SLC4A4: variants seen among roughly 807,000 people sequenced by gnomAD.
The protein encoded by SLC4A4 is electrogenic sodium bicarbonate cotransporter 1.
In SLC4A4, 27 loss-of-function variants were observed where a neutral mutation model predicts 111.5. That is an observed-to-expected ratio of 0.24 (90% CI 0.18 to 0.33). SLC4A4 has a LOEUF of 0.33. SLC4A4 is among the 10% of genes least tolerant of loss of function. The pLI is 1.00. For missense variants in SLC4A4, 909 were observed against 1,315.5 expected (o/e 0.69, Z 4.78); for synonymous variants, 443 against 463.4 (o/e 0.96, Z 0.57).
Position 71,440,632 on chromosome 4 carries a change from T to A in SLC4A4, c.824T>A (p.Met275Lys). 2 of 1,614,146 alleles carry A rather than the reference T, an allele frequency of 1.2e-6. No homozygotes were observed. The highest frequency in any genetic ancestry group is 1.7e-6 in the Non-Finnish European group (2 of 1,180,002). The change falls in exon 8 of 26, where the codon ATG becomes AAG. Residue 275 changes from methionine to lysine, a missense_variant. Physicochemically the swap from Met to Lys is moderately conservative, Grantham distance 95 (BLOSUM62 -1). This residue lies in a region of SLC4A4 where 312 missense variants were observed against 402.0 expected (regional missense o/e 0.78). Coordinates refer to ENST00000264485, the MANE Select transcript of SLC4A4 (RefSeq NM_001098484.3). ...PEKDQLKNKF[M>K]KKLPRDAEAS... ...CTCATGCAGCTGAAGAATAAGTTCA[T>A]GAAAAAATTGCCACGTGATGCAGAA...
chr4:71,437,111 G>T (rs1027333368), intron 7 of SLC4A4: 1 of 457,456 alleles, frequency 2.2e-6, no homozygotes, highest in Non-Finnish European at 4.3e-6. Flanking sequence ...CACTGTTCAG[G>T]ATCTTTATCA....
chr4:71,487,865 G>C (rs1729563654), intron 15 of SLC4A4, among the ~76,000 whole-genome samples: 1 of 151,318 alleles, frequency 6.6e-6, no homozygotes, highest in Non-Finnish European at 1.5e-5. Context: ...TATATTCTGT[G>C]GCTCTCTTGA....
intron 3 of SLC4A4, among the ~76,000 whole-genome samples, chr4:71,279,164 A>C (rs1044255385): frequency 3.3e-5 from 5 of 152,198 alleles, no homozygotes; most frequent in African/African-American, 1.2e-4. Flanking sequence ...TTGCTGTACG[A>C]TAGATCTCCA....
intron 1 of SLC4A4, among the ~76,000 whole-genome samples, chr4:71,065,355 T>C (rs1390633126): frequency 6.6e-6 from 1 of 152,172 alleles, no homozygotes; most frequent in Non-Finnish European, 1.5e-5. Flanking sequence ...ATGCTATGCT[T>C]GGAGTATCAC....
At chr4:71,540,271 T>C (rs1734919598) in intron 18 of SLC4A4, among the ~76,000 whole-genome samples, 1 of 152,146 alleles carries the variant, frequency 6.6e-6, no homozygotes, top group South Asian at 2.1e-4. Context: ...TCCTCACCTC[T>C]CCTTTGTTAT....
chr4:71,361,564 G>T (rs1730792908), intron 6 of SLC4A4, among the ~76,000 whole-genome samples: 1 of 152,182 alleles, frequency 6.6e-6, no homozygotes, highest in Admixed American at 6.5e-5. Flanking sequence ...GTTGCATGAA[G>T]AAATTAATGA....
chr4:71,120,372 C>T (rs1274600838), intron 2 of SLC4A4, among the ~76,000 whole-genome samples: 1 of 152,150 alleles, frequency 6.6e-6, no homozygotes, highest in Non-Finnish European at 1.5e-5. Context: ...TCCTTTGGAA[C>T]TCCAGCTTAC....
intron 2 of SLC4A4, among the ~76,000 whole-genome samples, chr4:71,152,561 T>C (rs1238371007): frequency 1.3e-5 from 2 of 152,230 alleles, no homozygotes; most frequent in African/African-American, 4.8e-5. Flanking sequence ...ATTTATTTAC[T>C]GGTTTTACTC....
At chr4:71,395,901 A>G (rs936868321) in intron 6 of SLC4A4, among the ~76,000 whole-genome samples, 3 of 152,200 alleles carry the variant, frequency 2.0e-5, no homozygotes, top group African/African-American at 7.2e-5. Flanking sequence ...TTGCTTTAGG[A>G]TTGTATAATT....
At chr4:71,427,484 T>A (rs909759081) in intron 7 of SLC4A4, among the ~76,000 whole-genome samples, 1 of 152,126 alleles carries the variant, frequency 6.6e-6, no homozygotes, top group African/African-American at 2.4e-5. Flanking sequence ...AAATATGATG[T>A]TATTTCAAAG....
chr4:71,230,961 T>G (rs1205745426), intron 1 of SLC4A4, among the ~76,000 whole-genome samples: 3 of 152,194 alleles, frequency 2.0e-5, no homozygotes, highest in Non-Finnish European at 4.4e-5. Flanking sequence ...GCAGCAGGCT[T>G]TTTGCTACTG....
intron 4 of SLC4A4, among the ~76,000 whole-genome samples, chr4:71,344,437 C>T (rs1578880877): frequency 6.6e-6 from 1 of 152,068 alleles, no homozygotes; most frequent in Non-Finnish European, 1.5e-5. Flanking sequence ...TTTTTCCCCC[C>T]ATTAAAAGCC....
At chr4:71,120,665 C>A (rs550106410) in intron 2 of SLC4A4, among the ~76,000 whole-genome samples, 5 of 152,162 alleles carry the variant, frequency 3.3e-5, no homozygotes, top group Non-Finnish European at 7.4e-5. Flanking sequence ...GTCAGAAGTT[C>A]GAGACCAGCC....
chr4:71,154,495 T>A (rs1341096622), intron 2 of SLC4A4, among the ~76,000 whole-genome samples: 1 of 152,164 alleles, frequency 6.6e-6, no homozygotes, highest in Non-Finnish European at 1.5e-5. Context: ...ATAGGATAGA[T>A]ACAAGAGAGG....
At chr4:71,170,520 A>G (rs77409701) in intron 2 of SLC4A4, among the ~76,000 whole-genome samples, 3 of 152,234 alleles carry the variant, frequency 2.0e-5, no homozygotes, top group Non-Finnish European at 4.4e-5. Context: ...TGGTCTCAAT[A>G]TTACCTATCA....
chr4:71,211,893 G>A (rs766984816), intron 1 of SLC4A4, among the ~76,000 whole-genome samples: 20 of 151,826 alleles, frequency 1.3e-4, no homozygotes, highest in African/African-American at 2.9e-4. Context: ...CTCTTGCAGC[G>A]AAGGAAAATT....
chr4:71,557,696 C>G lies in SLC4A4; in HGVS notation c.2764-16C>G, dbSNP rs778533210. The G allele has an allele frequency of 6.2e-7, 1 of 1,612,214 alleles. No homozygotes were observed. Among genetic ancestry groups the G allele is most frequent in the East Asian group, 2.2e-5 (1 of 44,720 alleles). On this transcript the variant is annotated splice_polypyrimidine_tract_variant and intron_variant, in intron 21 of 25. Transcript: ENST00000264485. ...TGCAGTAATGCAGTTGGACTCCTTT[C>G]CTCTTTCCTCCCCAGTTCATGGATC...
intron 7 of SLC4A4, among the ~76,000 whole-genome samples, chr4:71,422,311 C>T (rs1282531660): frequency 6.8e-6 from 1 of 146,162 alleles, no homozygotes; most frequent in African/African-American, 2.6e-5. Flanking sequence ...TCTGAATAGA[C>T]CAATAACAGG....
At chr4:71,141,619 C>A (rs1744000183) in intron 2 of SLC4A4, among the ~76,000 whole-genome samples, 1 of 152,212 alleles carries the variant, frequency 6.6e-6, no homozygotes, top group Non-Finnish European at 1.5e-5. Flanking sequence ...TACATAACCA[C>A]ATGGCCATAA....
Sources: gnomAD v4.1 joint callset for allele counts (sites outside exome capture counted in the v4.1 genomes callset) on GRCh38, gnomAD v4.1.1 for gene constraint, gnomAD v4.1.1 regional missense constraint, MANE v1.5 for transcripts, NCBI Gene and HGNC (gene_info 2026-07-23, HGNC 2026-07-21) for gene names.